The following ATP11A variants were observed in gnomAD, a reference collection of about 807,000 sequenced individuals.
The protein encoded by ATP11A is ATPase phospholipid transporting 11A, also known as phospholipid-transporting ATPase IH.
In ATP11A, 81 loss-of-function variants were observed where a neutral mutation model predicts 154.4. The observed-to-expected ratio is 0.52, with a 90% CI of 0.44 to 0.63. The LOEUF (loss-of-function observed/expected upper bound fraction) is 0.63. Ranked by LOEUF, ATP11A falls within the 30% of genes least tolerant of loss-of-function variation. The pLI, the probability that ATP11A is intolerant of heterozygous loss-of-function variation, is 0.00. For missense variants in ATP11A, 1,316 were observed against 1,474.3 expected (o/e 0.89, Z 1.76); for synonymous variants, 623 against 585.9 (o/e 1.06, Z -0.91).
chr13:112,826,951 G>T, intron 12 of ATP11A, 60 bp downstream of exon 12: 1 of 1,556,982 alleles, frequency 6.4e-7, no homozygotes, highest in Non-Finnish European at 8.8e-7. Flanking sequence ...TCTGCTTCAC[G>T]TTCCTCAGGT....
At position 112,881,604 on chromosome 13, in the gene ATP11A, A is replaced by C. The variant is rs1047401820; in HGVS notation, c.*10-272A>C. Reference sequence around the variant, plus strand: ...TTGGTACTGAAAAGGAGAGGCCCTCATTCCTAGACAGAGACCCCTCGCCTC... The same window carrying C: ...TTGGTACTGAAAAGGAGAGGCCCTCCTTCCTAGACAGAGACCCCTCGCCTC... On this transcript the variant is annotated intron_variant, in intron 29 of 29. Coordinates refer to ENST00000375645, the MANE Select transcript of ATP11A (RefSeq NM_015205.3). 9.3e-6 allele frequency: 11 copies of C among 1,179,688 alleles called. No individual in the cohort carries two copies. In the Admixed American group the frequency reaches 1.5e-4, roughly 16 times the overall value. The allele number at this position is 1,179,688 out of a possible 1,614,324, so 73.1% of individuals were successfully genotyped here.
chr13:112,827,817 G>A (rs2078971726), intron 12 of ATP11A, among the ~76,000 whole-genome samples: 2 of 152,230 alleles, frequency 1.3e-5, no homozygotes, highest in Non-Finnish European at 2.9e-5. Context: ...TGTGAGGAAG[G>A]CCAACAAACG....
intron 1 of ATP11A, among the ~76,000 whole-genome samples, chr13:112,693,281 T>C (rs772881019): frequency 5.3e-5 from 8 of 152,074 alleles, no homozygotes; most frequent in Non-Finnish European, 1.0e-4. Context: ...GGAGTGCTTG[T>C]GCTTATGGGG....
intron 25 of ATP11A, among the ~76,000 whole-genome samples, chr13:112,866,284 G>A (rs560364872): frequency 1.3e-5 from 2 of 152,232 alleles, no homozygotes; most frequent in African/African-American, 4.8e-5. Flanking sequence ...CGGTAGAAAC[G>A]CTGTTAGCCG....
chr13:112,694,166 C>T (rs1885519794), intron 1 of ATP11A, among the ~76,000 whole-genome samples: 2 of 152,192 alleles, frequency 1.3e-5, no homozygotes, highest in African/African-American at 4.8e-5. Context: ...GCCATGTGGC[C>T]TTGGGCAAGT....
intron 13 of ATP11A, among the ~76,000 whole-genome samples, chr13:112,831,961 ACTC>A (rs1566544678): frequency 3.2e-5 from 2 of 62,554 alleles, no homozygotes; most frequent in East Asian, 6.4e-4. Flanking sequence ...AGACACACAC[ACTC>A]ACACATGCCC....
intron 1 of ATP11A, among the ~76,000 whole-genome samples, chr13:112,744,472 T>C (rs1891904377): frequency 6.6e-6 from 1 of 152,212 alleles, no homozygotes; most frequent in Non-Finnish European, 1.5e-5. Flanking sequence ...GTCCAGTGAA[T>C]CTCAGACATG....
At chr13:112,757,950 G>T (rs967415466) in intron 1 of ATP11A, among the ~76,000 whole-genome samples, 9 of 152,360 alleles carry the variant, frequency 5.9e-5, no homozygotes, top group Middle Eastern at 6.8e-3. Context: ...TTCCCAGAGA[G>T]CTGCTTCTGA....
intron 1 of ATP11A, among the ~76,000 whole-genome samples, chr13:112,721,212 C>A (rs564344962): frequency 6.6e-6 from 1 of 152,044 alleles, no homozygotes; most frequent in African/African-American, 2.4e-5. Context: ...TTTCTTGTAG[C>A]CTTAGGAATT....
At chr13:112,722,990 A>G (rs113892522) in intron 1 of ATP11A, among the ~76,000 whole-genome samples, 1 of 151,926 alleles carries the variant, frequency 6.6e-6, no homozygotes. Context: ...TGATTAAAGG[A>G]GTAAGGTTCT....
chr13:112,835,697 C>G (rs1046364659), intron 15 of ATP11A, among the ~76,000 whole-genome samples: 3 of 152,236 alleles, frequency 2.0e-5, no homozygotes, highest in African/African-American at 7.2e-5. Context: ...CCAAACACTT[C>G]CGATGCTCCA....
chr13:112,812,792 T>C (rs1468971566), intron 5 of ATP11A, among the ~76,000 whole-genome samples: 1 of 152,216 alleles, frequency 6.6e-6, no homozygotes, highest in African/African-American at 2.4e-5. Context: ...AGATGAGTGA[T>C]GTTTCCCTAG....
chr13:112,832,059 AC>A, intron 13 of ATP11A, among the ~76,000 whole-genome samples: 1 of 152,046 alleles, frequency 6.6e-6, no homozygotes, highest in Admixed American at 6.5e-5. Flanking sequence ...CTGTGTGCAC[AC>A]ATGCTCACAT....
chr13:112,854,465 C>T lies in ATP11A; in HGVS notation c.2178C>T (p.Val726=). The T allele has an allele frequency of 1.2e-6, 2 of 1,612,814 alleles. No homozygotes were observed. The highest frequency in any genetic ancestry group is 1.7e-6 in the Non-Finnish European group (2 of 1,180,008). Residue 726 remains valine (V), a synonymous_variant, in exon 19 of 30, where the codon GTC becomes GTT. Coordinates refer to ENST00000375645, the MANE Select transcript of ATP11A (RefSeq NM_015205.3). ...TCGAGGAGCAGAGCCTGCACGACGT[C>T]CTGTTCGAGCTGAGCAAGACGGTCC... ...KRIEEQSLHD[V]LFELSKTVLR...
chr13:112,878,220 A>G lies in ATP11A; in HGVS notation c.3331A>G (p.Lys1111Glu), dbSNP rs1016633476. ...WPTATERVQTKSQCLSVEQST... is the reference protein window; with the variant it reads ...WPTATERVQTESQCLSVEQST... ...GGCCGCTGACCTCGGGACTAAGACTAAGAGCCAGTGCCTTTCTGTCGAGCA... is the reference window on the plus strand; with the variant it reads ...GGCCGCTGACCTCGGGACTAAGACTGAGAGCCAGTGCCTTTCTGTCGAGCA... Residue 1111 changes from lysine (K) to glutamate (E), a missense_variant, in exon 29 of 30, where the codon AAG (lysine) becomes GAG (glutamate). Around this residue, in one of 5 missense-constraint regions of ATP11A, gnomAD observed 294 missense variants for 290.2 expected, o/e 1.01. Coordinates refer to ENST00000375645, the MANE Select transcript of ATP11A (RefSeq NM_015205.3). 1.2e-6 allele frequency: 2 copies of G among 1,614,176 alleles called. No homozygotes were observed. Among genetic ancestry groups the G allele is most frequent in the Non-Finnish European group, 1.7e-6 (2 of 1,180,018 alleles).
intron 25 of ATP11A, among the ~76,000 whole-genome samples, chr13:112,869,379 T>C (rs2080439616): frequency 6.6e-6 from 1 of 152,216 alleles, no homozygotes; most frequent in Admixed American, 6.5e-5. Flanking sequence ...CTTATCCCAG[T>C]TCTGCCATTA....
intron 2 of ATP11A, among the ~76,000 whole-genome samples, chr13:112,787,863 C>T (rs58163382): frequency 3.5e-5 from 5 of 144,826 alleles, no homozygotes; most frequent in African/African-American, 1.3e-4. Flanking sequence ...ATGTATAGAC[C>T]CTTGTGGAGA....
In ATP11A at chr13:112,838,974, T is replaced by G. The variant is rs1223972494; in HGVS notation, c.1705+2723T>G. ...TCCTGGGCTCAGCCCTGTAGGGGGT[T>G]GCGGCTGTCAGAGCCGGATCTCACT... On this transcript the variant is annotated intron_variant, in intron 16 of 29. Transcript: ENST00000375645. The surrounding 1 kb of genome is among the most constrained non-coding windows in gnomAD (Gnocchi z 7.3). 2.0e-5 allele frequency among the ~76,000 whole-genome samples: 3 copies of G among 152,130 alleles called. No homozygotes were observed. The highest frequency in any genetic ancestry group is 2.9e-5 in the Non-Finnish European group (2 of 68,020).
At chr13:112,847,730 C>T (rs1055753096) in intron 17 of ATP11A, among the ~76,000 whole-genome samples, 1 of 152,202 alleles carries the variant, frequency 6.6e-6, no homozygotes, top group Non-Finnish European at 1.5e-5. Flanking sequence ...AATGGTTTGG[C>T]TATTCTGAAC....
Sources: allele counts gnomAD v4.1 joint callset (sites outside exome capture counted in the v4.1 genomes callset), GRCh38; gene constraint gnomAD v4.1.1; regional missense constraint gnomAD v4.1.1; non-coding constraint Gnocchi (gnomAD v3.1); transcripts MANE v1.5; gene names NCBI Gene and HGNC (gene_info 2026-07-23, HGNC 2026-07-21).